The following PFDN1 variants were observed in gnomAD, a reference collection of about 807,000 sequenced individuals.
The protein encoded by PFDN1 is prefoldin subunit 1.
PFDN1 carries 6 observed loss-of-function variants against 17.3 expected under a neutral mutation model. The ratio of observed to expected loss-of-function variants is 0.35; its 90% CI spans 0.19 to 0.69. The LOEUF (loss-of-function observed/expected upper bound fraction) is 0.69. Ranked by LOEUF, PFDN1 falls within the 30% of genes least tolerant of loss-of-function variation. The pLI is 0.65. For synonymous variants in PFDN1, 58 were observed against 50.1 expected, an observed-to-expected ratio of 1.16 and a Z score of -0.67; for missense variants, 113 against 146.2, an observed-to-expected ratio of 0.77 and a Z score of 1.17.
At chr5:140,281,630 A>C in intron 2 of PFDN1, 97 bp from the exon 3 acceptor site, 1 of 703,802 alleles carries the variant, frequency 1.4e-6, no homozygotes, top group Non-Finnish European at 2.5e-6. Flanking sequence ...GAGCAAATTA[A>C]AAGGACAAAT....
chr5:140,270,782 C>T (rs112666089), intron 3 of PFDN1, among the ~76,000 whole-genome samples: 5 of 151,930 alleles, frequency 3.3e-5, no homozygotes, highest in South Asian at 2.1e-4. Context: ...AAAAATTAGC[C>T]GGGCGTGGTG....
At chr5:140,262,086 T>C (rs1007332994) in intron 3 of PFDN1, among the ~76,000 whole-genome samples, 1 of 152,180 alleles carries the variant, frequency 6.6e-6, no homozygotes, top group Non-Finnish European at 1.5e-5. Context: ...ACTGGAGTAA[T>C]AAAAGAGCCC....
chr5:140,296,202 C>A (rs1765651137), intron 2 of PFDN1, among the ~76,000 whole-genome samples: 1 of 152,154 alleles, frequency 6.6e-6, no homozygotes, highest in Non-Finnish European at 1.5e-5. Context: ...ATAATAAACT[C>A]ATTCTTAAGT....
At chr5:140,272,716 T>C (rs1271209711) in intron 3 of PFDN1, among the ~76,000 whole-genome samples, 1 of 152,180 alleles carries the variant, frequency 6.6e-6, no homozygotes, top group East Asian at 1.9e-4. Context: ...AAGTAGTTAC[T>C]TGATGGGAGA....
At chr5:140,288,884 G>A (rs1033815282) in intron 2 of PFDN1, among the ~76,000 whole-genome samples, 3 of 152,118 alleles carry the variant, frequency 2.0e-5, no homozygotes, top group African/African-American at 7.2e-5. Flanking sequence ...TACTCGGGAG[G>A]CTGAGGCAAA....
At chr5:140,248,435 C>T (rs1011765629) in intron 3 of PFDN1, among the ~76,000 whole-genome samples, 12 of 152,104 alleles carry the variant, frequency 7.9e-5, no homozygotes, top group African/African-American at 2.4e-4. Context: ...CCCTGACACA[C>T]ACTAAAGAAT....
At chr5:140,269,707 G>A (rs951742035) in intron 3 of PFDN1, among the ~76,000 whole-genome samples, 1 of 152,112 alleles carries the variant, frequency 6.6e-6, no homozygotes, top group African/African-American at 2.4e-5. Flanking sequence ...TTTTAAGGGG[G>A]CATTTTTGCT....
At chr5:140,258,186 A>C (rs892602053) in intron 3 of PFDN1, among the ~76,000 whole-genome samples, 1 of 152,180 alleles carries the variant, frequency 6.6e-6, no homozygotes, top group African/African-American at 2.4e-5. Context: ...GGAGAGCAAA[A>C]GTCAAATTTC....
intron 2 of PFDN1, among the ~76,000 whole-genome samples, chr5:140,285,664 T>A (rs1275639554): frequency 6.6e-6 from 1 of 152,128 alleles, no homozygotes; most frequent in African/African-American, 2.4e-5. Flanking sequence ...AATTTTTTTT[T>A]AACATTTTGT....
At chr5:140,277,291 T>A (rs995946085) in intron 3 of PFDN1, among the ~76,000 whole-genome samples, 1 of 151,642 alleles carries the variant, frequency 6.6e-6, no homozygotes, top group Non-Finnish European at 1.5e-5. Flanking sequence ...GAGAGAGTAA[T>A]ATGATCAGAT....
intron 3 of PFDN1, among the ~76,000 whole-genome samples, chr5:140,279,104 G>A (rs1765349148): frequency 6.6e-6 from 1 of 152,034 alleles, no homozygotes; most frequent in African/African-American, 2.4e-5. Context: ...AGTATATATA[G>A]CATAATTCCT....
intron 2 of PFDN1, among the ~76,000 whole-genome samples, chr5:140,295,739 T>C (rs1157975789): frequency 6.6e-6 from 1 of 152,106 alleles, no homozygotes; most frequent in Non-Finnish European, 1.5e-5. Flanking sequence ...TTCCTTGTTT[T>C]AAACCAAAAA....
intron 2 of PFDN1, among the ~76,000 whole-genome samples, chr5:140,286,691 C>T (rs910436155): frequency 2.1e-5 from 3 of 145,520 alleles, no homozygotes; most frequent in Non-Finnish European, 3.0e-5. Flanking sequence ...CTGCAAACTA[C>T]GCCTCCAGGG....
chr5:140,274,992 CAAAAA>C (rs1268320654), intron 3 of PFDN1, among the ~76,000 whole-genome samples: 1 of 65,624 alleles, frequency 1.5e-5, no homozygotes, highest in African/African-American at 5.5e-5. Flanking sequence ...GACTTCATCT[CAAAAA>C]AAAAAAAAAA....
At chr5:140,282,183 T>C (rs1765413426) in intron 2 of PFDN1, 1 of 123,622 alleles carries the variant, frequency 8.1e-6, no homozygotes, top group South Asian at 2.9e-4. Context: ...CAAGATCCTG[T>C]CTTAAAAACA....
intron 3 of PFDN1, among the ~76,000 whole-genome samples, chr5:140,256,490 T>C (rs1239792438): frequency 6.6e-6 from 1 of 152,034 alleles, no homozygotes; most frequent in Admixed American, 6.6e-5. Context: ...AGATTTAACA[T>C]ATCCAATTAT....
In PFDN1 at chr5:140,254,669, G is replaced by A. The variant is rs1300815400; in HGVS notation, c.286-8612C>T. Among the ~76,000 whole-genome samples, 5 of 152,070 alleles carry A rather than the reference G, an allele frequency of 3.3e-5. No individual in the cohort carries two copies. Among genetic ancestry groups the A allele is most frequent in the African/African-American group, 1.2e-4 (5 of 41,392 alleles). Reference sequence around the variant, plus strand: ...CACCTGGTCCATGGTCATGCCCTAGGTCTTGTCAACACTAGAAGCTGCACA... The same window carrying A: ...CACCTGGTCCATGGTCATGCCCTAGATCTTGTCAACACTAGAAGCTGCACA... On this transcript the variant is annotated intron_variant, in intron 3 of 3. Transcript: ENST00000261813. This position sits in a 1 kb window ranked among gnomAD's most constrained non-coding sequence, Gnocchi z 4.4.
At chr5:140,288,898 T>C (rs778561275) in intron 2 of PFDN1, among the ~76,000 whole-genome samples, 2 of 151,668 alleles carry the variant, frequency 1.3e-5, no homozygotes, top group Admixed American at 6.6e-5. Flanking sequence ...AGGCAAAGAA[T>C]TGCTTGAACC....
intron 2 of PFDN1, among the ~76,000 whole-genome samples, chr5:140,290,853 T>C (rs555959414): frequency 1.8e-4 from 28 of 152,136 alleles, no homozygotes; most frequent in Admixed American, 3.9e-4. Context: ...TCTGATACCA[T>C]AGAGGGTAGA....
Sources: gnomAD v4.1 joint callset for allele counts (sites outside exome capture counted in the v4.1 genomes callset) on GRCh38, gnomAD v4.1.1 for gene constraint, Gnocchi (gnomAD v3.1) non-coding constraint, MANE v1.5 for transcripts, NCBI Gene and HGNC (gene_info 2026-07-23, HGNC 2026-07-21) for gene names.